Variants in NUBPL observed in about 807,000 individuals in gnomAD.
NUBPL encodes NUBP iron-sulfur cluster assembly factor, mitochondrial, also known as iron-sulfur cluster transfer protein NUBPL.
In NUBPL, 31 loss-of-function variants were observed where a neutral mutation model predicts 45.7. The ratio of observed to expected loss-of-function variants is 0.68; its 90% CI spans 0.51 to 0.92. The LOEUF (loss-of-function observed/expected upper bound fraction) is 0.92. Ranked by LOEUF, NUBPL falls within the 40% of genes least tolerant of loss-of-function variation. The probability of loss-of-function intolerance (pLI) is 0.00; values close to 1 mark genes in which losing one functional copy is unlikely to be tolerated. For missense variants in NUBPL, 401 were observed against 398.7 expected (o/e 1.01, Z -0.05); for synonymous variants, 144 against 140.9 (o/e 1.02, Z -0.15).
intron 4 of NUBPL, among the ~76,000 whole-genome samples, chr14:31,654,400 ACTTTTTTTTTT>A (rs1453339889): frequency 2.0e-5 from 3 of 148,616 alleles, no homozygotes; most frequent in African/African-American, 7.4e-5. Flanking sequence ...ATGGCAATTA[ACTTTTTTTTTT>A]CTTTTTTTTT....
intron 6 of NUBPL, among the ~76,000 whole-genome samples, chr14:31,740,078 C>G (rs1595565891): frequency 6.6e-6 from 1 of 152,180 alleles, no homozygotes; most frequent in African/African-American, 2.4e-5. Flanking sequence ...TTGGTTTCTT[C>G]CAAGTTTTGG....
chr14:31,788,043 A>G (rs1295330178), intron 7 of NUBPL, among the ~76,000 whole-genome samples, 170 bp downstream of exon 7: 1 of 152,240 alleles, frequency 6.6e-6, no homozygotes, highest in Non-Finnish European at 1.5e-5. Context: ...TTACCAGAAT[A>G]AGTATATTTA....
intron 10 of NUBPL, among the ~76,000 whole-genome samples, chr14:31,853,720 T>C (rs939467172): frequency 6.6e-5 from 10 of 152,228 alleles, no homozygotes; most frequent in Admixed American, 1.3e-4. Context: ...GCTCAGACAA[T>C]GGGCAAAACC....
intron 4 of NUBPL, among the ~76,000 whole-genome samples, chr14:31,602,392 T>TAAAAAA (rs372504814): frequency 9.6e-5 from 14 of 146,498 alleles, no homozygotes; most frequent in Admixed American, 2.0e-4. Context: ...AGTATAATAA[T>TAAAAAA]AGAAAAAAAA....
intron 7 of NUBPL, among the ~76,000 whole-genome samples, chr14:31,821,341 GA>G (rs975479902): frequency 6.6e-6 from 1 of 152,066 alleles, no homozygotes; most frequent in Non-Finnish European, 1.5e-5. Flanking sequence ...AACTCTATAG[GA>G]AAAAATCTAA....
chr14:31,617,247 T>A (rs1394162014), intron 4 of NUBPL, among the ~76,000 whole-genome samples: 1 of 152,182 alleles, frequency 6.6e-6, no homozygotes, highest in Non-Finnish European at 1.5e-5. Flanking sequence ...CCTCTCTTCC[T>A]AATTGAATAC....
intron 4 of NUBPL, among the ~76,000 whole-genome samples, chr14:31,614,707 CTG>C (rs1203531418): frequency 1.3e-5 from 2 of 152,116 alleles, no homozygotes; most frequent in African/African-American, 4.8e-5. Context: ...ACCTTTATGA[CTG>C]TCTTTTGTGT....
At chr14:31,653,168 A>G (rs2036054036) in intron 4 of NUBPL, among the ~76,000 whole-genome samples, 1 of 152,256 alleles carries the variant, frequency 6.6e-6, no homozygotes, top group Non-Finnish European at 1.5e-5. Context: ...GGGCAAAATT[A>G]GAATTACTGA....
chr14:31,746,058 T>C (rs1293050587), intron 6 of NUBPL, among the ~76,000 whole-genome samples: 2 of 152,056 alleles, frequency 1.3e-5, no homozygotes, highest in Non-Finnish European at 2.9e-5. Flanking sequence ...AAAAACTTCT[T>C]GGCATTCACT....
chr14:31,588,712 C>T lies in NUBPL; in HGVS notation c.292-10577C>T, dbSNP rs716887. Among the ~76,000 whole-genome samples the T allele has an allele frequency of 6.6e-3, 996 of 151,432 alleles. 9 individuals carry two copies. Among genetic ancestry groups the T allele is most frequent in the African/African-American group, 0.022 (913 of 41,282 alleles). On this transcript the variant is annotated intron_variant, in intron 3 of 10. Transcript: ENST00000281081. ...TGGGCAGATTACGAGGTCAGGAGTTCGAGACCAGCCTGGTCAGTATGGTGA... is the reference window on the plus strand; with the variant it reads ...TGGGCAGATTACGAGGTCAGGAGTTTGAGACCAGCCTGGTCAGTATGGTGA...
rs1362535165 is a variant in NUBPL, at chr14:31,708,914, T to C, written c.513+35340T>C. The stretch of plus-strand genomic sequence containing the variant: ...CGGCTTGTTTCTCATTGGACAATCT[T>C]TTTTAAAGTGTCCTAGTAAACCACA... On this transcript the variant is annotated intron_variant, in intron 6 of 10. Coordinates refer to ENST00000281081, the MANE Select transcript of NUBPL (RefSeq NM_025152.3). 2.0e-5 allele frequency among the ~76,000 whole-genome samples: 3 copies of C among 152,288 alleles called. No individual in the cohort carries two copies. The East Asian group carries it at 5.8e-4, about 29-fold the overall frequency.
intron 6 of NUBPL, among the ~76,000 whole-genome samples, chr14:31,697,493 A>G (rs1566507191): frequency 6.6e-6 from 1 of 152,174 alleles, no homozygotes; most frequent in African/African-American, 2.4e-5. Flanking sequence ...TGCCTTTTTT[A>G]CTCTATCTGT....
At chr14:31,817,303 A>G (rs951492550) in intron 7 of NUBPL, among the ~76,000 whole-genome samples, 2 of 152,158 alleles carry the variant, frequency 1.3e-5, no homozygotes, top group Non-Finnish European at 2.9e-5. Context: ...ACAGGCCAAC[A>G]TTCAAATTCA....
At chr14:31,629,220 A>G (rs1342970422) in intron 4 of NUBPL, among the ~76,000 whole-genome samples, 1 of 152,194 alleles carries the variant, frequency 6.6e-6, no homozygotes, top group East Asian at 1.9e-4. Context: ...CTTGGTTTCT[A>G]GGTTAGTAAT....
At chr14:31,789,558 G>C (rs564348279) in intron 7 of NUBPL, among the ~76,000 whole-genome samples, 1 of 152,122 alleles carries the variant, frequency 6.6e-6, no homozygotes, top group Admixed American at 6.5e-5. Context: ...TGTTTCTGAA[G>C]ATTTTCCTAG....
intron 4 of NUBPL, among the ~76,000 whole-genome samples, chr14:31,648,713 T>C (rs1353958832): frequency 2.0e-5 from 3 of 152,224 alleles, no homozygotes; most frequent in African/African-American, 7.2e-5. Flanking sequence ...CCCAATGAAA[T>C]AGTAGGTTAA....
intron 6 of NUBPL, among the ~76,000 whole-genome samples, chr14:31,770,901 A>G (rs185902736): frequency 3.0e-3 from 453 of 152,270 alleles, no homozygotes; most frequent in Non-Finnish European, 5.6e-3. Flanking sequence ...TAGAGCTACA[A>G]TTTCTCTCAG....
chr14:31,746,413 T>C (rs2038401290), intron 6 of NUBPL, among the ~76,000 whole-genome samples: 1 of 152,074 alleles, frequency 6.6e-6, no homozygotes, highest in Non-Finnish European at 1.5e-5. Flanking sequence ...TGGCAAATTT[T>C]GTTAAATGCT....
intron 4 of NUBPL, among the ~76,000 whole-genome samples, chr14:31,639,964 C>G (rs892591111): frequency 1.3e-5 from 2 of 152,136 alleles, no homozygotes; most frequent in Non-Finnish European, 2.9e-5. Context: ...GTGGGAGTGA[C>G]CCGATTTTCC....
Sources: gnomAD v4.1 joint callset for allele counts (sites outside exome capture counted in the v4.1 genomes callset) on GRCh38, gnomAD v4.1.1 for gene constraint, MANE v1.5 for transcripts, NCBI Gene and HGNC (gene_info 2026-07-23, HGNC 2026-07-21) for gene names.